Variants in PCGF3 observed in about 807,000 individuals in gnomAD.
The protein encoded by PCGF3 is polycomb group ring finger 3, also known as polycomb group RING finger protein 3.
A neutral mutation model predicts 33.1 loss-of-function variants in PCGF3; 7 were observed. The observed-to-expected ratio is 0.21, with a 90% CI of 0.12 to 0.40. The LOEUF is 0.40. Ranked by LOEUF, PCGF3 falls within the 10% of genes least tolerant of loss-of-function variation. PCGF3 has a pLI of 1.00. For synonymous variants in PCGF3, 153 were observed against 121.3 expected (o/e 1.26, Z -1.72); for missense variants, 211 against 313.3 (o/e 0.67, Z 2.46).
At chr4:742,661 G>C (rs1744144728) in intron 6 of PCGF3, among the ~76,000 whole-genome samples, 5 of 152,184 alleles carry the variant, frequency 3.3e-5, no homozygotes, top group Admixed American at 3.3e-4. Flanking sequence ...GCCAGCTCTT[G>C]CTGGCCATCC....
At chr4:705,886 G>A (rs905947379) in exon 1 of PCGF3, 1 of 152,148 alleles carries the variant, frequency 6.6e-6, no homozygotes, top group Non-Finnish European at 1.5e-5. Flanking sequence ...TCCTCTTGGG[G>A]GGGACCCAGA....
chr4:733,900 G>C, intron 4 of PCGF3, 111 bp downstream of exon 4: 6 of 1,586,230 alleles, frequency 3.8e-6, no homozygotes, highest in Non-Finnish European at 5.1e-6. Flanking sequence ...CCCGACAAAA[G>C]CAGGAACCAG....
At chr4:733,507 C>T (rs959489471) in intron 3 of PCGF3, among the ~76,000 whole-genome samples, 165 bp from the exon 4 acceptor site, 4 of 152,188 alleles carry the variant, frequency 2.6e-5, no homozygotes, top group Non-Finnish European at 5.9e-5. Context: ...GATTGCTGAC[C>T]GTGCCCTGCA....
At chr4:755,444 C>G (rs1227387436) in intron 8 of PCGF3, among the ~76,000 whole-genome samples, 1 of 152,196 alleles carries the variant, frequency 6.6e-6, no homozygotes, top group African/African-American at 2.4e-5. Flanking sequence ...AGCTGCAGGG[C>G]TACCTCCTCC....
intron 8 of PCGF3, among the ~76,000 whole-genome samples, chr4:752,119 GC>G (rs1744541924): frequency 6.6e-6 from 1 of 152,240 alleles, no homozygotes; most frequent in South Asian, 2.1e-4. Flanking sequence ...GGAAGATGGT[GC>G]CCCCTGCACA....
At chr4:734,030 C>T in intron 4 of PCGF3, 1 of 1,550,740 alleles carries the variant, frequency 6.4e-7, no homozygotes, top group Non-Finnish European at 8.7e-7. Context: ...AGGAGAGACC[C>T]CACATTCCTC....
At chr4:719,508 C>G (rs1006230312) in intron 1 of PCGF3, among the ~76,000 whole-genome samples, 5 of 152,342 alleles carry the variant, frequency 3.3e-5, no homozygotes, top group African/African-American at 1.2e-4. Flanking sequence ...GAGCCGCCCC[C>G]CCAGGTCCTG....
Position 721,542 on chromosome 4 carries a change from C to T in PCGF3, c.-189-9088C>T, listed in dbSNP as rs1406000357. Among the ~76,000 whole-genome samples the T allele has an allele frequency of 5.3e-5, 8 of 151,992 alleles. No individual in the cohort carries two copies. Among genetic ancestry groups the T allele is most frequent in the African/African-American group, 1.2e-4 (5 of 41,382 alleles). On this transcript the variant is annotated intron_variant, in intron 1 of 10. Coordinates refer to ENST00000362003, the Ensembl canonical transcript of PCGF3. This position sits in a 1 kb window ranked among gnomAD's most constrained non-coding sequence, Gnocchi z 4.1. ...AGTCGGTGCCTTAGGAGGCTGCGGG[C>T]GAGGCGAGGGCAGAGTGCACTCGCT...
At chr4:742,965 G>A (rs1030037523) in intron 6 of PCGF3, among the ~76,000 whole-genome samples, 3 of 152,226 alleles carry the variant, frequency 2.0e-5, no homozygotes, top group Non-Finnish European at 1.5e-5. Flanking sequence ...GTGGCCTTGG[G>A]TACCTGTGAG....
intron 1 of PCGF3, chr4:722,213 A>G (rs1743109441): frequency 6.4e-6 from 1 of 156,726 alleles, no homozygotes; most frequent in African/African-American, 2.4e-5. Flanking sequence ...TTTTTCCTTA[A>G]TATCATCCTT....
intron 8 of PCGF3, chr4:756,961 A>C (rs1321843988): frequency 1.3e-5 from 2 of 152,234 alleles, no homozygotes; most frequent in East Asian, 3.8e-4. Context: ...ATAAAGCCTA[A>C]AAATTAGAAG....
chr4:732,582 GCT>G (rs1404987210), intron 3 of PCGF3: 1 of 152,370 alleles, frequency 6.6e-6, no homozygotes, highest in Non-Finnish European at 1.5e-5. Context: ...GATGAGCCCA[GCT>G]CTCAGCTGCT....
intron 6 of PCGF3, among the ~76,000 whole-genome samples, chr4:741,283 G>C (rs1468388407): frequency 6.6e-6 from 1 of 152,254 alleles, no homozygotes; most frequent in Non-Finnish European, 1.5e-5. Flanking sequence ...AGATATGGCT[G>C]TAGTCAGAAT....
At chr4:734,114 C>T (rs2109614270) in intron 4 of PCGF3, 2 of 1,550,646 alleles carry the variant, frequency 1.3e-6, no homozygotes, top group East Asian at 4.9e-5. Context: ...CAGAGGAGTT[C>T]CTTAGATCCT....
exon 11 of PCGF3, chr4:769,086 G>T (rs1209497836): frequency 6.5e-6 from 1 of 152,686 alleles, no homozygotes; most frequent in African/African-American, 2.4e-5. Flanking sequence ...AGCCAGTGAT[G>T]CCTCGGGCCA....
chr4:767,633 C>T (rs1170669118), exon 11 of PCGF3: 1 of 152,168 alleles, frequency 6.6e-6, no homozygotes, highest in Non-Finnish European at 1.5e-5. Flanking sequence ...ATGAGAAAAA[C>T]ATGCATATTA....
exon 11 of PCGF3, chr4:769,957 TTGG>T (rs1213552046): frequency 2.0e-5 from 3 of 152,812 alleles, no homozygotes; most frequent in Admixed American, 2.0e-4. Flanking sequence ...TTTTGTACTC[TTGG>T]TGGCTAGTTT....
In PCGF3 at chr4:721,193, C is replaced by G. The variant is rs966100531; in HGVS notation, c.-189-9437C>G. ...CTGCCCCATTACAACAGTGCGGGCCCTGATTCTCATGGTTCCCCAGTGAGG... is the reference window on the plus strand; with the variant it reads ...CTGCCCCATTACAACAGTGCGGGCCGTGATTCTCATGGTTCCCCAGTGAGG... On this transcript the variant is annotated intron_variant, in intron 1 of 10. Coordinates refer to ENST00000362003, the Ensembl canonical transcript of PCGF3. This position sits in a 1 kb window ranked among gnomAD's most constrained non-coding sequence, Gnocchi z 4.1. Among the ~76,000 whole-genome samples, 9 of 152,154 alleles carry G rather than the reference C, an allele frequency of 5.9e-5. No individual in the cohort carries two copies. Among genetic ancestry groups the G allele is most frequent in the Non-Finnish European group, 1.0e-4 (7 of 68,018 alleles).
chr4:734,250 A>G (rs1055210793), intron 4 of PCGF3: 1 of 1,483,342 alleles, frequency 6.7e-7, no homozygotes, highest in Non-Finnish European at 9.0e-7. Context: ...AAGTGTGGCT[A>G]CCGCTGACGG....
Sources: allele counts gnomAD v4.1 joint callset (sites outside exome capture counted in the v4.1 genomes callset), GRCh38; gene constraint gnomAD v4.1.1; non-coding constraint Gnocchi (gnomAD v3.1); transcripts MANE v1.5; gene names NCBI Gene and HGNC (gene_info 2026-07-23, HGNC 2026-07-21).